CFAP61: variants seen among roughly 807,000 people sequenced by gnomAD.
CFAP61 encodes cilia- and flagella-associated protein 61.
Under a neutral mutation model 135.6 loss-of-function variants are expected in CFAP61, and 107 were observed. The observed-to-expected ratio is 0.79, with a 90% CI of 0.67 to 0.93. CFAP61 has a LOEUF of 0.93. Among genes scored for constraint, CFAP61 ranks in the 40% least tolerant of loss-of-function variants. The pLI, the probability that CFAP61 is intolerant of heterozygous loss-of-function variation, is 0.00. For missense variants in CFAP61, 1,507 were observed against 1,556.2 expected (o/e 0.97, Z 0.53); for synonymous variants, 575 against 578.5 (o/e 0.99, Z 0.09).
intron 21 of CFAP61, among the ~76,000 whole-genome samples, chr20:20,269,233 A>ATATACACG: frequency 6.9e-6 from 1 of 144,584 alleles, no homozygotes; most frequent in Non-Finnish European, 1.5e-5. Context: ...ATATATGTAT[A>ATATACACG]TATATACACG....
chr20:20,300,799 T>C (rs372955787), intron 25 of CFAP61, among the ~76,000 whole-genome samples: 14 of 152,042 alleles, frequency 9.2e-5, no homozygotes, highest in African/African-American at 3.1e-4. Context: ...AGAGACGGGG[T>C]TTCACCATGT....
intron 10 of CFAP61, among the ~76,000 whole-genome samples, chr20:20,161,210 A>G (rs1182186084): frequency 6.6e-6 from 1 of 152,074 alleles, no homozygotes; most frequent in Non-Finnish European, 1.5e-5. Context: ...TAATATTCCT[A>G]AGAGGGTAGC....
At chr20:20,065,732 A>C (rs2045203622) in intron 2 of CFAP61, among the ~76,000 whole-genome samples, 1 of 152,132 alleles carries the variant, frequency 6.6e-6, no homozygotes, top group South Asian at 2.1e-4. Context: ...CTAAAAATCC[A>C]GCTAAATTTT....
chr20:20,290,075 G>A (rs2054888555), intron 23 of CFAP61, among the ~76,000 whole-genome samples: 1 of 152,210 alleles, frequency 6.6e-6, no homozygotes, highest in Non-Finnish European at 1.5e-5. Context: ...ACATCCTGGA[G>A]CAATGGCGGC....
chr20:20,149,855 C>T (rs2424283), intron 9 of CFAP61, among the ~76,000 whole-genome samples: 14,174 of 152,208 alleles, frequency 0.093, 792 homozygotes, highest in Middle Eastern at 0.15. Flanking sequence ...TGAGCAGAAT[C>T]CTGGGGATGA....
chr20:20,246,909 G>A (rs147586348), intron 19 of CFAP61, among the ~76,000 whole-genome samples: 8 of 152,174 alleles, frequency 5.3e-5, no homozygotes, highest in Non-Finnish European at 8.8e-5. Context: ...TTTTGCCTTC[G>A]AACAATGAGA....
intron 17 of CFAP61, among the ~76,000 whole-genome samples, chr20:20,201,498 C>T (rs1044703316): frequency 6.6e-6 from 1 of 152,192 alleles, no homozygotes; most frequent in Admixed American, 6.5e-5. Context: ...GGAGATGAGA[C>T]GTGCCTAGCC....
At chr20:20,172,402 AACCTC>A (rs1412197709) in intron 13 of CFAP61, 1 of 455,600 alleles carries the variant, frequency 2.2e-6, no homozygotes, top group African/African-American at 2.1e-5. Context: ...CTGGAGCCTC[AACCTC>A]CCAAGCTCAG....
At chr20:20,285,924 A>G (rs1487015989) in intron 22 of CFAP61, among the ~76,000 whole-genome samples, 1 of 151,202 alleles carries the variant, frequency 6.6e-6, no homozygotes, top group Non-Finnish European at 1.5e-5. Context: ...CTGTCTCAAA[A>G]AAAAAAAAAA....
chr20:20,125,195 AT>A (rs560122950), intron 8 of CFAP61, among the ~76,000 whole-genome samples: 3 of 150,902 alleles, frequency 2.0e-5, no homozygotes, highest in African/African-American at 7.4e-5. Flanking sequence ...TATCTTTTGT[AT>A]TTTTTTTGTT....
chr20:20,298,973 G>A (rs946588153), intron 25 of CFAP61, among the ~76,000 whole-genome samples: 7 of 152,198 alleles, frequency 4.6e-5, no homozygotes, highest in African/African-American at 1.7e-4. Context: ...CAAGTGGAAA[G>A]TTACTTCTGA....
At chr20:20,358,941 TCA>T (rs1327340705) in intron 26 of CFAP61, among the ~76,000 whole-genome samples, 2 of 152,200 alleles carry the variant, frequency 1.3e-5, no homozygotes, top group African/African-American at 4.8e-5. Context: ...TGTTCAAGAA[TCA>T]CAGTGTTTGG....
intron 25 of CFAP61, among the ~76,000 whole-genome samples, chr20:20,321,054 TA>T (rs2057486327): frequency 6.6e-6 from 1 of 151,714 alleles, no homozygotes; most frequent in Non-Finnish European, 1.5e-5. Context: ...TAAGAAAAGT[TA>T]AAAGTTATAC....
At chr20:20,160,882 C>T (rs1349366653) in intron 10 of CFAP61, among the ~76,000 whole-genome samples, 1 of 152,158 alleles carries the variant, frequency 6.6e-6, no homozygotes, top group African/African-American at 2.4e-5. Context: ...ATCAATTTGC[C>T]AGCTCCTTCA....
chr20:20,324,106 A>G (rs1359071097), intron 25 of CFAP61, among the ~76,000 whole-genome samples: 2 of 152,284 alleles, frequency 1.3e-5, no homozygotes, highest in East Asian at 3.9e-4. Context: ...TTGTTTTAAT[A>G]TTCTCAATTC....
At chr20:20,272,577 G>A (rs2053447629) in intron 21 of CFAP61, among the ~76,000 whole-genome samples, 1 of 152,080 alleles carries the variant, frequency 6.6e-6, no homozygotes, top group African/African-American at 2.4e-5. Flanking sequence ...GCACATACTG[G>A]GACACATAAC....
chr20:20,065,736 A>G, intron 2 of CFAP61, among the ~76,000 whole-genome samples: 1 of 152,172 alleles, frequency 6.6e-6, no homozygotes, highest in Non-Finnish European at 1.5e-5. Flanking sequence ...AAATCCAGCT[A>G]AATTTTAGCA....
At chr20:20,220,455 A>G (rs1413135438) in intron 17 of CFAP61, among the ~76,000 whole-genome samples, 1 of 152,170 alleles carries the variant, frequency 6.6e-6, no homozygotes, top group Non-Finnish European at 1.5e-5. Context: ...GGTCATGGGA[A>G]CCTCCAGTTG....
chr20:20,295,914 C>T (rs1338823171), intron 24 of CFAP61, among the ~76,000 whole-genome samples: 2 of 151,280 alleles, frequency 1.3e-5, no homozygotes, highest in African/African-American at 4.9e-5. Context: ...CCCCTGCAGC[C>T]AGAGGCTCAG....
Sources: gnomAD v4.1 joint callset for allele counts (sites outside exome capture counted in the v4.1 genomes callset) on GRCh38, gnomAD v4.1.1 for gene constraint, MANE v1.5 for transcripts, NCBI Gene and HGNC (gene_info 2026-07-23, HGNC 2026-07-21) for gene names.